NF1: variants seen among roughly 807,000 people sequenced by gnomAD.
NF1 encodes neurofibromin 1.
Under a neutral mutation model 325.7 loss-of-function variants are expected in NF1, and 122 were observed. The ratio of observed to expected loss-of-function variants is 0.37; its 90% CI spans 0.32 to 0.44. The LOEUF is 0.44. Among genes scored for constraint, NF1 ranks in the 20% least tolerant of loss-of-function variants. The pLI is 1.00. For synonymous variants in NF1, 1,091 were observed against 1,186.0 expected (o/e 0.92, Z 1.65); for missense variants, 2,140 against 3,415.4 (o/e 0.63, Z 9.31).
intron 57 of NF1, among the ~76,000 whole-genome samples, chr17:31,365,432 G>A (rs1340216603): frequency 6.6e-6 from 1 of 152,148 alleles, no homozygotes; most frequent in African/African-American, 2.4e-5. Flanking sequence ...TTGAATACCT[G>A]TTTTGTAGGT....
intron 36 of NF1, among the ~76,000 whole-genome samples, chr17:31,300,853 G>A (rs1371825988): frequency 6.6e-6 from 1 of 152,080 alleles, no homozygotes; most frequent in Admixed American, 6.6e-5. Context: ...TGATAGGCAA[G>A]TATCTCCATC....
rs1272962315 is a variant in NF1 at position 31,203,319 on chromosome 17, AAAAC to A, written c.1260+1835_1260+1838del. The stretch of plus-strand genomic sequence containing the variant: ...ATGAAAATCTGTTTTTATAAAGAAA[AAAAC>A]TACATTGAATAATTTTTAAACATTA... On this transcript the variant is annotated intron_variant, in intron 11 of 57. Coordinates refer to ENST00000358273, the MANE Select transcript of NF1 (RefSeq NM_001042492.3). Among the ~76,000 whole-genome samples, 9 of 152,256 alleles carry A rather than the reference AAAAC, an allele frequency of 5.9e-5. No individual in the cohort carries two copies. In the South Asian group the frequency reaches 1.4e-3, roughly 25 times the overall value.
At chr17:31,308,222 C>T (rs1409317795) in intron 36 of NF1, among the ~76,000 whole-genome samples, 1 of 151,932 alleles carries the variant, frequency 6.6e-6, no homozygotes, top group Non-Finnish European at 1.5e-5. Context: ...GCTGCAACCT[C>T]TACATCCTGG....
In NF1 at chr17:31,305,377, G is replaced by T. The variant is rs780923966; in HGVS notation, c.4836-20443G>T. ...ATAGACAGCTGGTGTTGGTTGTCCAGCAGTGACTTTGGCAGGTGATATTGA... is the reference window on the plus strand; with the variant it reads ...ATAGACAGCTGGTGTTGGTTGTCCATCAGTGACTTTGGCAGGTGATATTGA... On this transcript the variant is annotated intron_variant, in intron 36 of 57. Transcript: ENST00000358273. 2 of 1,614,188 alleles carry T rather than the reference G, an allele frequency of 1.2e-6. No homozygotes were observed. Among genetic ancestry groups the T allele is most frequent in the South Asian group, 2.2e-5 (2 of 91,088 alleles).
intron 1 of NF1, among the ~76,000 whole-genome samples, chr17:31,103,317 A>G (rs1912531140): frequency 6.6e-6 from 1 of 151,654 alleles, no homozygotes; most frequent in Non-Finnish European, 1.5e-5. Context: ...ATTTTGGCTC[A>G]CTGCAACCTC....
chr17:31,203,049 T>C (rs2066558208), intron 11 of NF1, among the ~76,000 whole-genome samples: 1 of 152,236 alleles, frequency 6.6e-6, no homozygotes, highest in Admixed American at 6.5e-5. Flanking sequence ...TTTGATACTT[T>C]GTGGCTAGTT....
At chr17:31,322,578 G>C (rs915552422) in intron 36 of NF1, among the ~76,000 whole-genome samples, 4 of 146,308 alleles carry the variant, frequency 2.7e-5, no homozygotes, top group African/African-American at 7.6e-5. Flanking sequence ...CCAGCTACTA[G>C]GTAGGTTGAG....
intron 57 of NF1, among the ~76,000 whole-genome samples, chr17:31,364,195 G>A (rs1455766454): frequency 6.6e-6 from 1 of 152,162 alleles, no homozygotes; most frequent in East Asian, 1.9e-4. Context: ...CAAGTCTCAA[G>A]CAGTAGTATT....
At chr17:31,223,590 A>T in intron 16 of NF1, 23 bp downstream of exon 16, 1 of 1,602,258 alleles carries the variant, frequency 6.2e-7, no homozygotes. Flanking sequence ...ACATATTTAA[A>T]AAATGGAAGA....
At chr17:31,321,844 C>A (rs371915362) in intron 36 of NF1, 20 of 152,090 alleles carry the variant, frequency 1.3e-4, no homozygotes, top group Admixed American at 1.1e-3. Flanking sequence ...ACAGTATGCT[C>A]ATTCTATAGG....
At chr17:31,170,506 T>A (rs1020027418) in intron 5 of NF1, among the ~76,000 whole-genome samples, 4 of 152,232 alleles carry the variant, frequency 2.6e-5, no homozygotes, top group Non-Finnish European at 5.9e-5. Flanking sequence ...CATTACAAAG[T>A]CCCTTAACCT....
At chr17:31,275,855 T>G (rs970116108) in intron 36 of NF1, among the ~76,000 whole-genome samples, 1 of 152,214 alleles carries the variant, frequency 6.6e-6, no homozygotes, top group Non-Finnish European at 1.5e-5. Flanking sequence ...ATACCACCTC[T>G]TATTCCTTCT....
chr17:31,248,531 C>CT lies in NF1; in HGVS notation c.3975-444dup, dbSNP rs1221689759. 2.6e-5 allele frequency among the ~76,000 whole-genome samples: 4 copies of CT among 151,304 alleles called. No homozygotes were observed. The East Asian group carries it at 7.8e-4, about 29-fold the overall frequency. ...TTTTTTTCAGTTATCTCAAAGTTGT[C>CT]TTTTTTTTTATTTTTATTTTTGAGA... On this transcript the variant is annotated intron_variant, in intron 29 of 57. Transcript: ENST00000358273.
At chr17:31,203,315 GA>G (rs1357402012) in intron 11 of NF1, among the ~76,000 whole-genome samples, 1 of 151,986 alleles carries the variant, frequency 6.6e-6, no homozygotes, top group Non-Finnish European at 1.5e-5. Flanking sequence ...TTTTTATAAA[GA>G]AAAAAACTAC....
intron 1 of NF1, among the ~76,000 whole-genome samples, chr17:31,120,262 G>C (rs1443697354): frequency 6.6e-6 from 1 of 152,006 alleles, no homozygotes; most frequent in African/African-American, 2.4e-5. Context: ...TTTTTCATTT[G>C]TTTGTATCCT....
rs2151547741 is a variant in NF1, at chr17:31,332,655, G to A, written c.5812+2157G>A. ...AGGTTAGTTACATATGTATACATGT[G>A]CCATGCTGGTGCGCTGCACCCACTA... On this transcript the variant is annotated intron_variant, in intron 39 of 57. Transcript: ENST00000358273. Among the ~76,000 whole-genome samples, 2 of 86,212 alleles carry A rather than the reference G, an allele frequency of 2.3e-5. 1 individual carries two copies. The highest frequency in any genetic ancestry group is 9.9e-4 in the South Asian group (2 of 2,018). 56.6% of individuals were successfully genotyped at this position (86,212 alleles called of 152,430 possible).
At chr17:31,236,082 T>A in intron 29 of NF1, 61 bp downstream of exon 29, 1 of 1,265,772 alleles carries the variant, frequency 7.9e-7, no homozygotes, top group Non-Finnish European at 1.2e-6. Context: ...TTTGTTTGTT[T>A]TACTAACACT....
intron 8 of NF1, among the ~76,000 whole-genome samples, chr17:31,192,402 G>T (rs1339690594): frequency 1.3e-5 from 2 of 152,152 alleles, no homozygotes; most frequent in Non-Finnish European, 2.9e-5. Flanking sequence ...CTCAAAGTGG[G>T]GGCTTCCAGG....
intron 36 of NF1, among the ~76,000 whole-genome samples, chr17:31,323,726 C>T (rs2069272506): frequency 1.3e-5 from 2 of 152,080 alleles, no homozygotes; most frequent in South Asian, 4.1e-4. Flanking sequence ...TTTTGCCTTT[C>T]TCCATAAGGC....
Sources: gnomAD v4.1 joint callset for allele counts (sites outside exome capture counted in the v4.1 genomes callset) on GRCh38, gnomAD v4.1.1 for gene constraint, MANE v1.5 for transcripts, NCBI Gene and HGNC (gene_info 2026-07-23, HGNC 2026-07-21) for gene names.